The following MECOM variants were observed in gnomAD, a reference collection of about 807,000 sequenced individuals.
The protein encoded by MECOM is histone-lysine N-methyltransferase MECOM.
In MECOM, 13 loss-of-function variants were observed where a neutral mutation model predicts 116.3. The observed-to-expected ratio is 0.11, with a 90% CI of 0.07 to 0.18. The LOEUF (loss-of-function observed/expected upper bound fraction) is 0.18, where lower values mean the gene tolerates loss of function less well. Ranked by LOEUF, MECOM falls within the 10% of genes least tolerant of loss-of-function variation. MECOM has a pLI of 1.00. For missense variants in MECOM, 1,299 were observed against 1,509.0 expected (o/e 0.86, Z 2.31); for synonymous variants, 528 against 535.2 (o/e 0.99, Z 0.19).
chr3:169,338,699 C>T (rs1453809356), intron 2 of MECOM, among the ~76,000 whole-genome samples: 1 of 151,620 alleles, frequency 6.6e-6, no homozygotes, highest in Non-Finnish European at 1.5e-5. Context: ...GATCTCATTC[C>T]TCTATGCAAG....
intron 8 of MECOM, among the ~76,000 whole-genome samples, chr3:169,114,054 C>A: frequency 6.6e-6 from 1 of 152,092 alleles, no homozygotes. Context: ...GAATCAGAAG[C>A]CAGTTGCTAC....
intron 11 of MECOM, 83 bp downstream of exon 11, chr3:169,101,977 T>A (rs1001630931): frequency 1.5e-6 from 2 of 1,370,936 alleles, no homozygotes; most frequent in African/African-American, 2.9e-5. Flanking sequence ...TAATCAGGAA[T>A]AATTTCCAAA....
chr3:169,502,606 C>T (rs1170943925), intron 1 of MECOM, among the ~76,000 whole-genome samples: 1 of 152,116 alleles, frequency 6.6e-6, no homozygotes, highest in Non-Finnish European at 1.5e-5. Context: ...GTGGTAATCT[C>T]ATGACTTCTA....
At chr3:169,165,062 G>A (rs2149356790) in intron 2 of MECOM, among the ~76,000 whole-genome samples, 1 of 152,246 alleles carries the variant, frequency 6.6e-6, no homozygotes, top group Admixed American at 6.5e-5. Flanking sequence ...GTCTTAAGGT[G>A]GGAATTGGTT....
At chr3:169,614,483 G>C (rs1174445148) in intron 1 of MECOM, among the ~76,000 whole-genome samples, 1 of 152,018 alleles carries the variant, frequency 6.6e-6, no homozygotes, top group Non-Finnish European at 1.5e-5. Context: ...TAAACAAAAG[G>C]CTGGTTATTT....
intron 1 of MECOM, among the ~76,000 whole-genome samples, chr3:169,405,846 T>A (rs1256292192): frequency 6.6e-6 from 1 of 152,164 alleles, no homozygotes; most frequent in Non-Finnish European, 1.5e-5. Context: ...AATTTCTACA[T>A]CAGAGTAGCA....
chr3:169,432,779 GA>G (rs1741850420), intron 1 of MECOM, among the ~76,000 whole-genome samples: 1 of 152,134 alleles, frequency 6.6e-6, no homozygotes, highest in Non-Finnish European at 1.5e-5. Flanking sequence ...CCTTTTTAAA[GA>G]AACACACCTT....
At chr3:169,432,608 C>T (rs1560266849) in intron 1 of MECOM, among the ~76,000 whole-genome samples, 2 of 152,194 alleles carry the variant, frequency 1.3e-5, no homozygotes, top group Non-Finnish European at 2.9e-5. Context: ...TATGAAGGTT[C>T]ATCATGTGGA....
chr3:169,518,208 G>A (rs931359605), intron 1 of MECOM, among the ~76,000 whole-genome samples: 12 of 151,512 alleles, frequency 7.9e-5, no homozygotes, highest in Admixed American at 2.6e-4. Context: ...GCAGTGAGCC[G>A]AGATCGCACC....
chr3:169,362,194 T>C (rs2149826320), intron 2 of MECOM, among the ~76,000 whole-genome samples: 1 of 151,440 alleles, frequency 6.6e-6, no homozygotes, highest in African/African-American at 2.4e-5. Flanking sequence ...ATTTTGGAGG[T>C]TTTGTTTATT....
At chr3:169,425,211 A>T (rs1434457096) in intron 1 of MECOM, among the ~76,000 whole-genome samples, 1 of 151,954 alleles carries the variant, frequency 6.6e-6, no homozygotes, top group Non-Finnish European at 1.5e-5. Flanking sequence ...GAGCACTTTC[A>T]ATTTTTTATG....
At chr3:169,163,456 T>TA (rs1228079721) in intron 2 of MECOM, among the ~76,000 whole-genome samples, 1 of 152,172 alleles carries the variant, frequency 6.6e-6, no homozygotes, top group Non-Finnish European at 1.5e-5. Context: ...GGCAAGATGA[T>TA]AAAAAATAGT....
intron 2 of MECOM, among the ~76,000 whole-genome samples, chr3:169,307,204 C>G (rs1717881829): frequency 6.6e-6 from 1 of 152,136 alleles, no homozygotes; most frequent in South Asian, 2.1e-4. Flanking sequence ...CCAAATAAAC[C>G]TTTAATAATC....
At chr3:169,603,921 CA>C (rs1310052563) in intron 1 of MECOM, among the ~76,000 whole-genome samples, 10 of 152,256 alleles carry the variant, frequency 6.6e-5, no homozygotes, top group African/African-American at 2.4e-4. Flanking sequence ...CTAGATTTAT[CA>C]GACTGACAGA....
intron 6 of MECOM, among the ~76,000 whole-genome samples, 172 bp downstream of exon 6, chr3:169,122,408 G>A (rs1298661085): frequency 6.6e-6 from 1 of 152,128 alleles, no homozygotes; most frequent in East Asian, 1.9e-4. Context: ...TACCCACTAA[G>A]TGTTTTTATA....
chr3:169,458,906 G>C (rs1746968436), intron 1 of MECOM, among the ~76,000 whole-genome samples: 1 of 152,170 alleles, frequency 6.6e-6, no homozygotes, highest in Admixed American at 6.5e-5. Flanking sequence ...ACCAAATGAA[G>C]TTTAATATGA....
chr3:169,614,089 CTCTTT>C (rs139037909), intron 1 of MECOM, among the ~76,000 whole-genome samples: 2 of 145,924 alleles, frequency 1.4e-5, no homozygotes, highest in African/African-American at 2.5e-5. Context: ...CTCCTCTCCT[CTCTTT>C]TCTTTTCTTT....
At chr3:169,326,761 G>A (rs1334568050) in intron 2 of MECOM, among the ~76,000 whole-genome samples, 1 of 152,152 alleles carries the variant, frequency 6.6e-6, no homozygotes, top group East Asian at 1.9e-4. Context: ...TTAATTTCAT[G>A]AATATGTTTG....
At chr3:169,598,671 G>T (rs539120679) in intron 1 of MECOM, among the ~76,000 whole-genome samples, 2 of 152,146 alleles carry the variant, frequency 1.3e-5, no homozygotes, top group African/African-American at 2.4e-5. Flanking sequence ...GATACTTTTC[G>T]TCTGAGTGTA....
Sources: allele counts gnomAD v4.1 joint callset (sites outside exome capture counted in the v4.1 genomes callset), GRCh38; gene constraint gnomAD v4.1.1; transcripts MANE v1.5; gene names NCBI Gene and HGNC (gene_info 2026-07-23, HGNC 2026-07-21).